Variants in GALNT14 observed in about 807,000 individuals in gnomAD.
GALNT14 encodes the protein polypeptide N-acetylgalactosaminyltransferase 14, also known as UDP-GalNAc:polypeptide N-acetylgalactosaminyltransferase 14.
In GALNT14, 60 loss-of-function variants were observed where a neutral mutation model predicts 77.5. The ratio of observed to expected loss-of-function variants is 0.77; its 90% CI spans 0.63 to 0.96. The LOEUF (loss-of-function observed/expected upper bound fraction) is 0.96, where lower values mean the gene tolerates loss of function less well. Ranked by LOEUF, GALNT14 falls within the 40% of genes least tolerant of loss-of-function variation. GALNT14 has a pLI of 0.00. For missense variants in GALNT14, 710 were observed against 731.0 expected (o/e 0.97, Z 0.33); for synonymous variants, 280 against 281.7 (o/e 0.99, Z 0.06).
intron 1 of GALNT14, among the ~76,000 whole-genome samples, chr2:31,072,867 T>A (rs1213005801): frequency 6.6e-6 from 1 of 152,212 alleles, no homozygotes; most frequent in African/African-American, 2.4e-5. Flanking sequence ...ACTTGTGCCT[T>A]CTTTGAGCCC....
In GALNT14 at chr2:30,911,033, G is replaced by T. The variant is rs565883379; in HGVS notation, c.1527C>A (p.Ile509=). The part of the protein sequence containing the change: ...RQQWTKTGSH[I]EHIASHLCLD... ...GGCAGAGGTGGGATGCTATGTGCTCGATGTGGGAACCAGTTTTGGTCCATT... is the reference window on the plus strand; with the variant it reads ...GGCAGAGGTGGGATGCTATGTGCTCTATGTGGGAACCAGTTTTGGTCCATT... Residue 509 remains isoleucine (I), a synonymous_variant, in exon 15 of 15, where the codon ATC becomes ATA. Transcript: ENST00000349752. 1 of 1,614,000 alleles carries T rather than the reference G, an allele frequency of 6.2e-7. No homozygotes were observed. The highest frequency in any genetic ancestry group is 8.5e-7 in the Non-Finnish European group (1 of 1,179,994).
chr2:31,135,176 A>G (rs1679170043), intron 1 of GALNT14, among the ~76,000 whole-genome samples: 1 of 152,198 alleles, frequency 6.6e-6, no homozygotes, highest in Admixed American at 6.5e-5. Flanking sequence ...AATGCCACCC[A>G]TCAATAGGCT....
chr2:31,094,771 G>C (rs6736355), intron 1 of GALNT14, among the ~76,000 whole-genome samples: 14,126 of 152,212 alleles, frequency 0.093, 904 homozygotes, highest in African/African-American at 0.18. Context: ...GACACTCACT[G>C]TAAGGTGAAT....
At chr2:30,971,973 C>T (rs1009829352) in intron 2 of GALNT14, among the ~76,000 whole-genome samples, 5 of 152,238 alleles carry the variant, frequency 3.3e-5, no homozygotes, top group African/African-American at 1.2e-4. Flanking sequence ...CCCAGTGCTT[C>T]CGTGGCTTGT....
intron 1 of GALNT14, among the ~76,000 whole-genome samples, chr2:31,069,200 G>A (rs189704799): frequency 7.9e-5 from 12 of 152,220 alleles, no homozygotes; most frequent in Admixed American, 1.3e-4. Flanking sequence ...AGATGGGATC[G>A]CCACCTTTAT....
At chr2:30,904,306 A>G in the GALNT14 span, among the ~76,000 whole-genome samples, 2 of 152,242 alleles carry the variant, frequency 1.3e-5, no homozygotes, top group African/African-American at 4.8e-5. Context: ...TACGGGGTTC[A>G]TCTCTTTAGG....
At chr2:30,998,674 A>G (rs1448761949) in intron 1 of GALNT14, among the ~76,000 whole-genome samples, 2 of 152,094 alleles carry the variant, frequency 1.3e-5, no homozygotes, top group Admixed American at 6.5e-5. Flanking sequence ...ACCTTTCCAT[A>G]ATTGGGGGTA....
At chr2:30,963,594 A>G (rs115916504) in intron 3 of GALNT14, among the ~76,000 whole-genome samples, 442 of 152,326 alleles carry the variant, frequency 2.9e-3, no homozygotes, top group Non-Finnish European at 4.2e-3. Flanking sequence ...ATACACTGTA[A>G]TGCCCCCAAA....
intron 1 of GALNT14, among the ~76,000 whole-genome samples, chr2:31,027,249 T>C (rs561630994): frequency 6.6e-6 from 1 of 152,224 alleles, no homozygotes; most frequent in East Asian, 1.9e-4. Flanking sequence ...CTGACTAACA[T>C]GGTGAAACCT....
the GALNT14 span, among the ~76,000 whole-genome samples, chr2:30,896,388 C>T: frequency 6.6e-6 from 1 of 152,186 alleles, no homozygotes; most frequent in Non-Finnish European, 1.5e-5. Flanking sequence ...GAGCCTAGAA[C>T]CAGAACCCAG....
chr2:31,033,237 C>T (rs1211142926), intron 1 of GALNT14, among the ~76,000 whole-genome samples: 1 of 152,146 alleles, frequency 6.6e-6, no homozygotes, highest in East Asian at 1.9e-4. Flanking sequence ...CTATCTGTCA[C>T]GTGTGGTATA....
chr2:30,932,614 G>A (rs1665807748), intron 9 of GALNT14, among the ~76,000 whole-genome samples: 1 of 152,202 alleles, frequency 6.6e-6, no homozygotes, highest in Non-Finnish European at 1.5e-5. Context: ...GGACCAAGGA[G>A]AAAGAAATTT....
At chr2:30,890,572 T>C in the GALNT14 span, among the ~76,000 whole-genome samples, 13 of 150,896 alleles carry the variant, frequency 8.6e-5, no homozygotes, top group African/African-American at 2.6e-4. Flanking sequence ...GTAGTACTTG[T>C]ATTGTAATAA....
chr2:30,933,470 C>G (rs919819041), intron 9 of GALNT14, among the ~76,000 whole-genome samples: 2 of 152,142 alleles, frequency 1.3e-5, no homozygotes, highest in African/African-American at 4.8e-5. Flanking sequence ...TCCCCTGTCC[C>G]CAGCCACCTT....
At chr2:31,122,480 C>T (rs1179950845) in intron 1 of GALNT14, among the ~76,000 whole-genome samples, 3 of 152,188 alleles carry the variant, frequency 2.0e-5, no homozygotes, top group South Asian at 2.1e-4. Flanking sequence ...ACAGGCTTTT[C>T]GTGAGCAAGC....
At chr2:31,054,534 C>G (rs1674092219) in intron 1 of GALNT14, among the ~76,000 whole-genome samples, 1 of 152,246 alleles carries the variant, frequency 6.6e-6, no homozygotes, top group African/African-American at 2.4e-5. Context: ...CAGAACCCAG[C>G]ATAGCGCCTA....
At chr2:31,032,712 A>G (rs1047060914) in intron 1 of GALNT14, among the ~76,000 whole-genome samples, 2 of 152,022 alleles carry the variant, frequency 1.3e-5, no homozygotes, top group African/African-American at 4.8e-5. Flanking sequence ...CCTCTGCACA[A>G]CTCCATAGCA....
At chr2:31,111,158 C>T (rs1215737354) in intron 1 of GALNT14, among the ~76,000 whole-genome samples, 3 of 152,178 alleles carry the variant, frequency 2.0e-5, no homozygotes, top group Admixed American at 2.0e-4. Context: ...GCAGACTACC[C>T]AGGATGCAGA....
At chr2:31,058,405 G>T (rs1388112327) in intron 1 of GALNT14, among the ~76,000 whole-genome samples, 1 of 152,156 alleles carries the variant, frequency 6.6e-6, no homozygotes, top group East Asian at 1.9e-4. Context: ...GCAGGCAGGT[G>T]CTGGGCTCTG....
Sources: allele counts gnomAD v4.1 joint callset (sites outside exome capture counted in the v4.1 genomes callset), GRCh38; gene constraint gnomAD v4.1.1; transcripts MANE v1.5; gene names NCBI Gene and HGNC (gene_info 2026-07-23, HGNC 2026-07-21).